The following ZNF407 variants were observed in gnomAD, a reference collection of about 807,000 sequenced individuals.
ZNF407 encodes zinc finger protein 407.
In ZNF407, 17 loss-of-function variants were observed where a neutral mutation model predicts 131.2. The ratio of observed to expected loss-of-function variants is 0.13; its 90% confidence interval spans 0.09 to 0.19. The LOEUF is 0.19. ZNF407 is among the 10% of genes least tolerant of loss of function. ZNF407 has a pLI of 1.00. For synonymous variants in ZNF407, 1,156 were observed against 1,062.0 expected (o/e 1.09, Z -1.72); for missense variants, 2,681 against 2,830.6 (o/e 0.95, Z 1.20).
intron 8 of ZNF407, among the ~76,000 whole-genome samples, chr18:74,954,369 A>G (rs907280221): frequency 4.6e-5 from 7 of 152,176 alleles, no homozygotes; most frequent in African/African-American, 4.8e-5. Context: ...ATAAATGACT[A>G]TGATTAAATA....
intron 3 of ZNF407, among the ~76,000 whole-genome samples, chr18:74,775,015 A>G (rs955733654): frequency 1.3e-5 from 2 of 152,220 alleles, no homozygotes; most frequent in South Asian, 2.1e-4. Context: ...TGTCTTTTCA[A>G]CTTTTCCAAG....
chr18:74,949,331 C>G (rs530606934), intron 8 of ZNF407, among the ~76,000 whole-genome samples: 1 of 152,326 alleles, frequency 6.6e-6, no homozygotes, highest in Middle Eastern at 3.4e-3. Context: ...CTTAACCTCA[C>G]TGTACTTAAG....
At chr18:74,859,159 A>G (rs1599202237) in intron 4 of ZNF407, among the ~76,000 whole-genome samples, 2 of 152,204 alleles carry the variant, frequency 1.3e-5, no homozygotes, top group African/African-American at 4.8e-5. Flanking sequence ...AACATATTTC[A>G]TCTGGTTTGT....
intron 3 of ZNF407, among the ~76,000 whole-genome samples, chr18:74,676,696 A>T (rs553150266): frequency 4.6e-4 from 70 of 152,116 alleles, no homozygotes; most frequent in African/African-American, 1.6e-3. Flanking sequence ...GGCCTCCCAG[A>T]ATGCTGGGAT....
At chr18:74,622,670 G>A (rs904899650) in intron 1 of ZNF407, among the ~76,000 whole-genome samples, 2 of 152,238 alleles carry the variant, frequency 1.3e-5, no homozygotes, top group Non-Finnish European at 2.9e-5. Flanking sequence ...TAGGAAGGGC[G>A]AAGGGTGTGA....
intron 1 of ZNF407, among the ~76,000 whole-genome samples, chr18:74,603,536 C>T (rs1030770452): frequency 2.0e-5 from 3 of 152,152 alleles, no homozygotes; most frequent in Non-Finnish European, 4.4e-5. Flanking sequence ...TAAGGCAGGC[C>T]ACGTAATCAG....
chr18:74,980,452 C>T (rs1972577277), intron 8 of ZNF407, among the ~76,000 whole-genome samples: 1 of 151,954 alleles, frequency 6.6e-6, no homozygotes, highest in Non-Finnish European at 1.5e-5. Context: ...TACAGGCACC[C>T]ACTACCACGC....
intron 4 of ZNF407, among the ~76,000 whole-genome samples, chr18:74,811,711 C>T (rs1970197804): frequency 1.3e-5 from 2 of 151,938 alleles, no homozygotes; most frequent in Admixed American, 6.6e-5. Flanking sequence ...ATGATGAGTT[C>T]ATGTCCTTTG....
chr18:74,733,710 G>C (rs1445679670), intron 3 of ZNF407, among the ~76,000 whole-genome samples: 1 of 152,176 alleles, frequency 6.6e-6, no homozygotes, highest in African/African-American at 2.4e-5. Flanking sequence ...ATCCTCGTGA[G>C]CCTGGACTAT....
Position 74,995,984 on chromosome 18 carries a change from A to G in ZNF407, c.5429-67166A>G, listed in dbSNP as rs113933968. ...TGTGATGTGAATACATGGTCTTTGGAAGCTTTTAAAGTAAATTCTTTCAAA... is the reference window on the plus strand; with the variant it reads ...TGTGATGTGAATACATGGTCTTTGGGAGCTTTTAAAGTAAATTCTTTCAAA... On this transcript the variant is annotated intron_variant, in intron 8 of 8. Coordinates refer to ENST00000299687, the MANE Select transcript of ZNF407 (RefSeq NM_017757.3). Among the ~76,000 whole-genome samples, 206 of 152,348 alleles carry G rather than the reference A, an allele frequency of 1.4e-3. 1 individual carries two copies. The highest frequency in any genetic ancestry group is 6.8e-3 in the Middle Eastern group (2 of 294).
intron 8 of ZNF407, among the ~76,000 whole-genome samples, chr18:75,012,966 A>G (rs796525159): frequency 0.014 from 1,871 of 133,238 alleles, 37 homozygotes; most frequent in African/African-American, 0.046. Context: ...AAAAAAAAAA[A>G]GGGTTTGTAG....
chr18:74,847,852 C>CA (rs796557554), intron 4 of ZNF407, among the ~76,000 whole-genome samples: 3,083 of 123,004 alleles, frequency 0.025, 45 homozygotes, highest in Admixed American at 0.047. Context: ...AGGTAAAATA[C>CA]AAAAAAAAAA....
At chr18:74,818,322 A>G (rs979703978) in intron 4 of ZNF407, among the ~76,000 whole-genome samples, 1 of 152,194 alleles carries the variant, frequency 6.6e-6, no homozygotes, top group Non-Finnish European at 1.5e-5. Context: ...TATTTGATTT[A>G]TTAAAATGAG....
At chr18:74,968,246 G>T (rs1192192016) in intron 8 of ZNF407, among the ~76,000 whole-genome samples, 1 of 152,140 alleles carries the variant, frequency 6.6e-6, no homozygotes, top group Non-Finnish European at 1.5e-5. Context: ...TTTGAGTGAG[G>T]TATGGAAATC....
chr18:74,978,446 G>C (rs1033686177), intron 8 of ZNF407, among the ~76,000 whole-genome samples: 1 of 152,140 alleles, frequency 6.6e-6, no homozygotes, highest in Non-Finnish European at 1.5e-5. Context: ...GAAAGACAAA[G>C]ATGGAGGCAA....
intron 1 of ZNF407, among the ~76,000 whole-genome samples, chr18:74,602,095 A>G (rs1253887778): frequency 6.6e-6 from 1 of 152,128 alleles, no homozygotes; most frequent in Non-Finnish European, 1.5e-5. Flanking sequence ...CCTTATGGTA[A>G]TTATATGGGT....
chr18:75,047,970 A>G (rs1973454948), intron 8 of ZNF407, among the ~76,000 whole-genome samples: 2 of 152,244 alleles, frequency 1.3e-5, no homozygotes, highest in Non-Finnish European at 2.9e-5. Context: ...CGCACACATC[A>G]TGCCAAGTTT....
At chr18:74,891,550 A>T (rs2145197600) in intron 7 of ZNF407, among the ~76,000 whole-genome samples, 1 of 152,358 alleles carries the variant, frequency 6.6e-6, no homozygotes, top group Admixed American at 6.5e-5. Context: ...GATATATTTC[A>T]TTCATTAATT....
intron 8 of ZNF407, among the ~76,000 whole-genome samples, chr18:75,003,686 G>A (rs1252007752): frequency 6.6e-6 from 1 of 152,166 alleles, no homozygotes; most frequent in Non-Finnish European, 1.5e-5. Flanking sequence ...TACATTTCTA[G>A]TAGAACAAGA....
Sources: gnomAD v4.1 joint callset for allele counts (sites outside exome capture counted in the v4.1 genomes callset) on GRCh38, gnomAD v4.1.1 for gene constraint, MANE v1.5 for transcripts, NCBI Gene and HGNC (gene_info 2026-07-23, HGNC 2026-07-21) for gene names.